Variants in MTAP observed in about 807,000 individuals in gnomAD.
The protein encoded by MTAP is methylthioadenosine phosphorylase, also known as S-methyl-5'-thioadenosine phosphorylase.
A neutral mutation model predicts 33.6 loss-of-function variants in MTAP; 33 were observed. That is an observed-to-expected ratio of 0.98 (90% CI 0.74 to 1.31). The LOEUF (loss-of-function observed/expected upper bound fraction) is 1.31, where lower values mean the gene tolerates loss of function less well. Among genes scored for constraint, MTAP ranks in the 40% most tolerant of loss-of-function variants. The pLI, the probability that MTAP is intolerant of heterozygous loss-of-function variation, is 0.00. For synonymous variants in MTAP, 148 were observed against 125.7 expected, an observed-to-expected ratio of 1.18 and a Z score of -1.19; for missense variants, 367 against 360.0, an observed-to-expected ratio of 1.02 and a Z score of -0.16.
chr9:21,899,834 A>G (rs1000501088), intron 1 of MTAP, among the ~76,000 whole-genome samples: 1 of 152,194 alleles, frequency 6.6e-6, no homozygotes, highest in Non-Finnish European at 1.5e-5. Context: ...AAACAGAAAC[A>G]CAAATCAATG....
At chr9:21,811,896 A>C in intron 1 of MTAP, 1 of 379,542 alleles carries the variant, frequency 2.6e-6, no homozygotes, top group East Asian at 6.4e-5. Flanking sequence ...GAAGTCACAC[A>C]CAGCTGTTTT....
At chr9:21,885,467 T>C (rs1414111959) in intron 1 of MTAP, among the ~76,000 whole-genome samples, 2 of 152,036 alleles carry the variant, frequency 1.3e-5, no homozygotes, top group Non-Finnish European at 2.9e-5. Flanking sequence ...GGAACAGGTG[T>C]TGTTACCTGA....
intron 4 of MTAP, 145 bp from the exon 5 acceptor site, chr9:21,837,763 A>G (rs1472409296): frequency 1.2e-5 from 8 of 648,286 alleles, no homozygotes; most frequent in East Asian, 2.7e-5. Context: ...TTTGTAAACA[A>G]TTGTCTTTAG....
At chr9:21,846,330 C>G (rs534329656) in intron 5 of MTAP, among the ~76,000 whole-genome samples, 1 of 151,894 alleles carries the variant, frequency 6.6e-6, no homozygotes, top group South Asian at 2.1e-4. Context: ...AATGACCACC[C>G]GCAGAAAGGG....
At chr9:21,926,326 C>T (rs1349726511) in intron 1 of MTAP, among the ~76,000 whole-genome samples, 3 of 149,878 alleles carry the variant, frequency 2.0e-5, no homozygotes, top group South Asian at 4.2e-4. Context: ...TGTAACACCC[C>T]TGTCTTACCT....
rs1366001048 is a variant in MTAP, at chr9:21,811,992, A to G, written c.34-3441A>G. 3.3e-5 allele frequency: 10 copies of G among 299,230 alleles called. No individual in the cohort carries two copies. In the Admixed American group the frequency reaches 3.6e-4, roughly 11 times the overall value. The allele number at this position is 299,230 out of a possible 1,614,324, so 18.5% of individuals were successfully genotyped here. Reference sequence around the variant, plus strand: ...GTGCATGTCCACCTCCTTCATGGACATGTGGCCCCTGAACATGGCAGCTAC... The same window carrying G: ...GTGCATGTCCACCTCCTTCATGGACGTGTGGCCCCTGAACATGGCAGCTAC... On this transcript the variant is annotated intron_variant, in intron 1 of 7. Coordinates refer to ENST00000644715, the MANE Select transcript of MTAP (RefSeq NM_002451.4).
chr9:21,833,851 T>C (rs1457770895), intron 4 of MTAP, among the ~76,000 whole-genome samples: 1 of 152,084 alleles, frequency 6.6e-6, no homozygotes, highest in Non-Finnish European at 1.5e-5. Flanking sequence ...AATGTAAGAG[T>C]CTTGATTCAA....
At chr9:21,813,332 C>T (rs1426620502) in intron 1 of MTAP, among the ~76,000 whole-genome samples, 1 of 152,226 alleles carries the variant, frequency 6.6e-6, no homozygotes, top group Non-Finnish European at 1.5e-5. Context: ...GCCTGCAGAT[C>T]ATTCCAGAGC....
downstream of MTAP, among the ~76,000 whole-genome samples, chr9:21,869,796 A>G (rs540153598): frequency 6.6e-6 from 1 of 152,358 alleles, no homozygotes; most frequent in African/African-American, 2.4e-5. Flanking sequence ...GGATACTGTA[A>G]TAACCCCTAA....
chr9:21,926,194 A>T (rs1818866820), intron 1 of MTAP, among the ~76,000 whole-genome samples: 1 of 152,200 alleles, frequency 6.6e-6, no homozygotes, highest in South Asian at 2.1e-4. Context: ...AACTCAGCTC[A>T]TGGATCCTTC....
intron 1 of MTAP, chr9:21,892,776 CCTGACAGA>C (rs1818220774): frequency 6.6e-6 from 1 of 152,180 alleles, no homozygotes; most frequent in Admixed American, 6.5e-5. Flanking sequence ...AACAAATGGA[CCTGACAGA>C]CATCTGCAGC....
Position 21,816,713 on chromosome 9 carries a change from G to A in MTAP, c.121-1G>A. On this transcript the variant is annotated splice_acceptor_variant, in intron 2 of 7. Transcript: ENST00000644715. LOFTEE classifies it high-confidence loss of function. The stretch of plus-strand genomic sequence containing the variant: ...AAATGTCATTTTTTCATTGCATGCA[G>A]CCATCTGATGCCTTAATTTTGGGGA... 1 of 1,610,340 alleles carries A rather than the reference G, an allele frequency of 6.2e-7. No homozygotes were observed. The highest frequency in any genetic ancestry group is 8.5e-7 in the Non-Finnish European group (1 of 1,178,602).
At chr9:21,903,016 G>T (rs1265030129) in intron 1 of MTAP, among the ~76,000 whole-genome samples, 1 of 152,212 alleles carries the variant, frequency 6.6e-6, no homozygotes, top group South Asian at 2.1e-4. Context: ...TTGTGGAAAA[G>T]ATGAATTCAA....
intron 1 of MTAP, chr9:21,808,995 A>G (rs1824278504): frequency 6.6e-6 from 1 of 152,224 alleles, no homozygotes; most frequent in Non-Finnish European, 1.5e-5. Context: ...TCTAGCCTCC[A>G]GAACTGTGAG....
chr9:21,915,043 C>T (rs186346866), intron 1 of MTAP, among the ~76,000 whole-genome samples: 1,121 of 71,892 alleles, frequency 0.016, 110 homozygotes, highest in African/African-American at 0.086. Flanking sequence ...TTCCTTCCTT[C>T]CTTCCTTCCT....
At chr9:21,875,532 C>A (rs1825993504) in intron 1 of MTAP, among the ~76,000 whole-genome samples, 1 of 151,886 alleles carries the variant, frequency 6.6e-6, no homozygotes, top group Non-Finnish European at 1.5e-5. Context: ...TGGTTATTTT[C>A]TCTGCTCCTC....
Position 21,865,799 on chromosome 9 carries a change from GT to G in MTAP, c.*3789del. 1 of 1,017,952 alleles carries G rather than the reference GT, an allele frequency of 9.8e-7. No homozygotes were observed. Among genetic ancestry groups the G allele is most frequent in the Non-Finnish European group, 1.2e-6 (1 of 846,560 alleles). The allele number at this position is 1,017,952 out of a possible 1,614,324, so 63.1% of individuals were successfully genotyped here. ...CAATCTCGGCATGCATTATTTCTTT[GT>G]TTTGAAGATTCACTCATGTTGCATG... On this transcript the variant is annotated 3_prime_UTR_variant, in exon 8 of 8. Transcript: ENST00000644715.
intron 2 of MTAP, among the ~76,000 whole-genome samples, chr9:21,816,485 G>A (rs755463628): frequency 6.6e-6 from 1 of 152,110 alleles, no homozygotes; most frequent in Non-Finnish European, 1.5e-5. Context: ...TGACTAAATG[G>A]TACCTACACA....
chr9:21,803,908 TAGAATG>T (rs928609738), intron 1 of MTAP, among the ~76,000 whole-genome samples: 9 of 152,188 alleles, frequency 5.9e-5, no homozygotes, highest in Non-Finnish European at 1.3e-4. Flanking sequence ...ATGAGCCACT[TAGAATG>T]AGAGGAATGG....
Sources: allele counts gnomAD v4.1 joint callset (sites outside exome capture counted in the v4.1 genomes callset), GRCh38; gene constraint gnomAD v4.1.1; transcripts MANE v1.5; gene names NCBI Gene and HGNC (gene_info 2026-07-23, HGNC 2026-07-21).